COL4A3: variants seen among roughly 807,000 people sequenced by gnomAD.
COL4A3 encodes collagen alpha-3(IV) chain.
Under a neutral mutation model 217.4 loss-of-function variants are expected in COL4A3, and 135 were observed. The ratio of observed to expected loss-of-function variants is 0.62; its 90% confidence interval spans 0.54 to 0.72. The LOEUF (loss-of-function observed/expected upper bound fraction) is 0.72. Ranked by LOEUF, COL4A3 falls within the 30% of genes least tolerant of loss-of-function variation. The probability of loss-of-function intolerance (pLI) is 0.00; values close to 1 mark genes in which losing one functional copy is unlikely to be tolerated. For synonymous variants in COL4A3, 690 were observed against 736.3 expected, an observed-to-expected ratio of 0.94 and a Z score of 1.02; for missense variants, 1,868 against 2,119.9, an observed-to-expected ratio of 0.88 and a Z score of 2.33.
At position 227,307,693 on chromosome 2, in the gene COL4A3, GA is replaced by G; in HGVS notation, c.4253-15del. The G allele has an allele frequency of 6.2e-6, 10 of 1,610,076 alleles. No homozygotes were observed. The highest frequency in any genetic ancestry group is 8.5e-6 in the Non-Finnish European group (10 of 1,176,320). On this transcript the variant is annotated splice_polypyrimidine_tract_variant and intron_variant, in intron 47 of 51. Transcript: ENST00000396578. The stretch of plus-strand genomic sequence containing the variant: ...ATTTTTGTGTATGTTGCAACATTTA[GA>G]ATGTGTTTTTTGAAGGACCAGCTGG...
chr2:227,176,677 C>T (rs1430470878), intron 1 of COL4A3, among the ~76,000 whole-genome samples: 1 of 152,156 alleles, frequency 6.6e-6, no homozygotes, highest in Non-Finnish European at 1.5e-5. Flanking sequence ...GTAGACAAAA[C>T]AGTCAGGTCA....
At position 227,282,792 on chromosome 2, in the gene COL4A3, G is replaced by A. The variant is rs1030632448; in HGVS notation, c.2656+260G>A. On this transcript the variant is annotated intron_variant, in intron 32 of 51. Transcript: ENST00000396578. This position sits in a 1 kb window ranked among gnomAD's most constrained non-coding sequence, Gnocchi z 4.4. ...ACTATAATATACTTGCTAGTATTTT[G>A]TTGAGAATTTTTGCATTTATATTGA... 6.6e-6 allele frequency among the ~76,000 whole-genome samples: 1 copy of A among 152,064 alleles called. No homozygotes were observed. The highest frequency in any genetic ancestry group is 1.5e-5 in the Non-Finnish European group (1 of 68,032).
chr2:227,312,795 TA>T lies in COL4A3; in HGVS notation c.*927del, dbSNP rs1266907421. 2 of 152,654 alleles carry T rather than the reference TA, an allele frequency of 1.3e-5. No homozygotes were observed. Among genetic ancestry groups the T allele is most frequent in the African/African-American group, 2.4e-5 (1 of 41,464 alleles). 9.5% of individuals were successfully genotyped at this position (152,654 alleles called of 1,614,324 possible). On this transcript the variant is annotated 3_prime_UTR_variant, in exon 52 of 52. Coordinates refer to ENST00000396578, the MANE Select transcript of COL4A3 (RefSeq NM_000091.5). ...TACCTTATGTAAGGGAGCAGTTCAA[TA>T]ATCCATGAAAGAACTTAAGGCATTT... is the stretch of plus-strand genomic sequence containing the variant.
At chr2:227,277,871 G>A (rs930411712) in intron 28 of COL4A3, among the ~76,000 whole-genome samples, 1 of 151,796 alleles carries the variant, frequency 6.6e-6, no homozygotes, top group Admixed American at 6.6e-5. Flanking sequence ...GTGGTGGCAT[G>A]TGGCTGTAAT....
At chr2:227,193,785 G>GAAGGGGAGGGGGGGAGGGAAGGA (rs2066344595) in intron 1 of COL4A3, among the ~76,000 whole-genome samples, 1 of 44,898 alleles carries the variant, frequency 2.2e-5, no homozygotes, top group Non-Finnish European at 4.5e-5. Flanking sequence ...AGGAAGGAAG[G>GAAGGGGAGGGGGGGAGGGAAGGA]AAGGAAGGAA....
intron 1 of COL4A3, among the ~76,000 whole-genome samples, chr2:227,169,424 T>G (rs2065398057): frequency 6.6e-6 from 1 of 150,782 alleles, no homozygotes; most frequent in Admixed American, 6.7e-5. Flanking sequence ...GATGGCTGGG[T>G]CAAATGGTAT....
chr2:227,245,938 C>G lies in COL4A3; in HGVS notation c.325-16C>G. On this transcript the variant is annotated splice_polypyrimidine_tract_variant and intron_variant, in intron 5 of 51. Transcript: ENST00000396578. Reference sequence around the variant, plus strand: ...CTTGGGATGACCCTCCTCATTGAGACTTGTTCTTCTTCCAGGGCACCCCAG... The same window carrying G: ...CTTGGGATGACCCTCCTCATTGAGAGTTGTTCTTCTTCCAGGGCACCCCAG... 1 of 1,611,674 alleles carries G rather than the reference C, an allele frequency of 6.2e-7. No individual in the cohort carries two copies. The highest frequency in any genetic ancestry group is 8.5e-7 in the Non-Finnish European group (1 of 1,177,752).
chr2:227,195,693 GTGTA>G (rs1001467487), intron 1 of COL4A3, among the ~76,000 whole-genome samples: 35 of 145,848 alleles, frequency 2.4e-4, no homozygotes, highest in South Asian at 1.5e-3. Context: ...GTGTGTGTGT[GTGTA>G]TGTGTGTGTG....
At chr2:227,239,807 T>G (rs182706781) in intron 2 of COL4A3, among the ~76,000 whole-genome samples, 1 of 152,296 alleles carries the variant, frequency 6.6e-6, no homozygotes, top group African/African-American at 2.4e-5. Flanking sequence ...AACACTCCAC[T>G]AACCTTGATG....
chr2:227,248,520 G>T lies in COL4A3; in HGVS notation c.546G>T (p.Gln182His). ...DPGLPGAPGP[Q>H]GLPGPPGFPG... Reference sequence around the variant, plus strand: ...GGTTGCCAGGGGCTCCAGGACCCCAGGTACAGCACTTCAGAGAAGGTCCCT... The same window carrying T: ...GGTTGCCAGGGGCTCCAGGACCCCATGTACAGCACTTCAGAGAAGGTCCCT... Residue 182 changes from glutamine (Q) to histidine (H), a missense_variant and splice_region_variant, in exon 9 of 52, where the codon CAG becomes CAT. By Grantham distance (24) the Gln-to-His change is conservative. Transcript: ENST00000396578. 6.2e-7 allele frequency: 1 copy of T among 1,609,242 alleles called. No homozygotes were observed. The highest frequency in any genetic ancestry group is 1.1e-5 in the South Asian group (1 of 90,972).
chr2:227,298,716 T>A lies in COL4A3; in HGVS notation c.3786T>A (p.His1262Gln). 1 of 1,614,020 alleles carries A rather than the reference T, an allele frequency of 6.2e-7. No individual in the cohort carries two copies. The highest frequency in any genetic ancestry group is 8.5e-7 in the Non-Finnish European group (1 of 1,179,968). ...APGPPGPPGS[H>Q]VIGIKGDKGS... Reference sequence around the variant, plus strand: ...GTCCCCCTGGACCTCCAGGGAGTCATGTAATAGGCATAAAAGGAGACAAAG... The same window carrying A: ...GTCCCCCTGGACCTCCAGGGAGTCAAGTAATAGGCATAAAAGGAGACAAAG... Residue 1262 changes from histidine (H) to glutamine (Q), a missense_variant, in exon 43 of 52, where the codon CAT becomes CAA. Coordinates refer to ENST00000396578, the MANE Select transcript of COL4A3 (RefSeq NM_000091.5).
At chr2:227,231,597 T>C in intron 1 of COL4A3, among the ~76,000 whole-genome samples, 1 of 152,134 alleles carries the variant, frequency 6.6e-6, no homozygotes, top group East Asian at 1.9e-4. Context: ...CTTGGCTCAT[T>C]GCAATCTCTG....
chr2:227,179,734 A>G (rs2065809298), intron 1 of COL4A3, among the ~76,000 whole-genome samples: 1 of 152,242 alleles, frequency 6.6e-6, no homozygotes, highest in African/African-American at 2.4e-5. Flanking sequence ...CTGGGAACAA[A>G]GGGAGATAAA....
In COL4A3 at chr2:227,164,707, G is replaced by A; in HGVS notation, c.-20G>A. The A allele has an allele frequency of 6.5e-7, 1 of 1,530,108 alleles. No individual in the cohort carries two copies. The highest frequency in any genetic ancestry group is 1.2e-5 in the South Asian group (1 of 83,768). The allele number at this position is 1,530,108 out of a possible 1,614,324, so 94.8% of individuals were successfully genotyped here. On this transcript the variant is annotated 5_prime_UTR_variant, in exon 1 of 52. Coordinates refer to ENST00000396578, the MANE Select transcript of COL4A3 (RefSeq NM_000091.5). The surrounding 1 kb of genome is among the most constrained non-coding windows in gnomAD (Gnocchi z 4.8). ...CCTGAGGGTCCCCGGACTCGCCCAG[G>A]CTCTGAGCGCGCGCCCACCATGAGC...
At chr2:227,307,103 G>A (rs1465478048) in intron 47 of COL4A3, among the ~76,000 whole-genome samples, 1 of 151,840 alleles carries the variant, frequency 6.6e-6, no homozygotes, top group African/African-American at 2.4e-5. Context: ...AGAGAAAAAT[G>A]TACAGAAACG....
chr2:227,194,198 G>A (rs138607779), intron 1 of COL4A3, among the ~76,000 whole-genome samples: 439 of 152,268 alleles, frequency 2.9e-3, no homozygotes, highest in Non-Finnish European at 4.9e-3. Context: ...AGAAACCCAC[G>A]ACACACTCAC....
rs368758622 is a variant in COL4A3, at chr2:227,253,545, G to C, written c.688-16G>C. The C allele has an allele frequency of 3.1e-6, 5 of 1,606,360 alleles. No homozygotes were observed. Among genetic ancestry groups the C allele is most frequent in the Non-Finnish European group, 4.3e-6 (5 of 1,172,946 alleles). Reference sequence around the variant, plus strand: ...CTGTTGTTTATTTTCTCACTCCTGAGTGTTTTTGTCTTTAGGGTGTGAAAG... The same window carrying C: ...CTGTTGTTTATTTTCTCACTCCTGACTGTTTTTGTCTTTAGGGTGTGAAAG... On this transcript the variant is annotated splice_polypyrimidine_tract_variant and intron_variant, in intron 12 of 51. Coordinates refer to ENST00000396578, the MANE Select transcript of COL4A3 (RefSeq NM_000091.5). The surrounding 1 kb of genome is among the most constrained non-coding windows in gnomAD (Gnocchi z 4.4).
intron 44 of COL4A3, among the ~76,000 whole-genome samples, chr2:227,303,396 TG>T (rs1158020089): frequency 6.6e-6 from 1 of 152,182 alleles, no homozygotes; most frequent in Non-Finnish European, 1.5e-5. Flanking sequence ...ATATTCTCTA[TG>T]TGCTGAAAAG....
chr2:227,308,858 T>C, intron 48 of COL4A3, 41 bp from the exon 49 acceptor site: 2 of 1,602,956 alleles, frequency 1.2e-6, no homozygotes, highest in Non-Finnish European at 1.7e-6. Flanking sequence ...GAAAATAACT[T>C]TAACTTACTG....
Sources: allele counts gnomAD v4.1 joint callset (sites outside exome capture counted in the v4.1 genomes callset), GRCh38; gene constraint gnomAD v4.1.1; non-coding constraint Gnocchi (gnomAD v3.1); transcripts MANE v1.5; gene names NCBI Gene and HGNC (gene_info 2026-07-23, HGNC 2026-07-21).